The following ZNF503 variants were observed in gnomAD, a reference collection of about 807,000 sequenced individuals.
ZNF503 encodes the protein zinc finger protein 503, also known as NocA-like zinc finger 2.
A neutral mutation model predicts 34.4 loss-of-function variants in ZNF503; 15 were observed. That is an observed-to-expected ratio of 0.44 (90% CI 0.29 to 0.67). The LOEUF (loss-of-function observed/expected upper bound fraction) is 0.67, where lower values mean the gene tolerates loss of function less well. Ranked by LOEUF, ZNF503 falls within the 30% of genes least tolerant of loss-of-function variation. ZNF503 has a pLI of 0.13. For missense variants in ZNF503, 1,007 were observed against 926.8 expected, an observed-to-expected ratio of 1.09 and a Z score of -1.12; for synonymous variants, 580 against 456.8, an observed-to-expected ratio of 1.27 and a Z score of -3.44.
At chr10:75,349,113 A>G in the ZNF503 span, among the ~76,000 whole-genome samples, 1 of 152,232 alleles carries the variant, frequency 6.6e-6, no homozygotes, top group Non-Finnish European at 1.5e-5. Context: ...AAGTGCAATT[A>G]CCACACTCAA....
At chr10:75,389,416 G>T in the ZNF503 span, among the ~76,000 whole-genome samples, 1 of 152,144 alleles carries the variant, frequency 6.6e-6, no homozygotes, top group Non-Finnish European at 1.5e-5. Context: ...CTTTGTAGGT[G>T]CCTAGAGGTA....
chr10:75,280,510 TG>T, the ZNF503 span, among the ~76,000 whole-genome samples: 3 of 152,024 alleles, frequency 2.0e-5, no homozygotes, highest in African/African-American at 7.3e-5. Context: ...TACATCTCCC[TG>T]GAGATGATTG....
the ZNF503 span, among the ~76,000 whole-genome samples, chr10:75,343,697 C>T: frequency 6.6e-6 from 1 of 152,218 alleles, no homozygotes; most frequent in Admixed American, 6.5e-5. Flanking sequence ...TCAGCCCTCC[C>T]TGGATTTCTG....
chr10:75,398,018 TTC>T lies in ZNF503; in HGVS notation c.*729_*730del, dbSNP rs377456350. The T allele has an allele frequency of 1.2e-3, 174 of 149,818 alleles. No individual in the cohort carries two copies. Among genetic ancestry groups the T allele is most frequent in the African/African-American group, 3.0e-3 (117 of 38,912 alleles). The allele number at this position is 149,818 out of a possible 1,614,324, so 9.3% of individuals were successfully genotyped here. A position where few individuals can be genotyped will look rare whatever the true frequency, so the allele number is the denominator to read the frequency against. On this transcript the variant is annotated 3_prime_UTR_variant, in exon 2 of 2. Transcript: ENST00000372524. Reference sequence around the variant, plus strand: ...AAATGAGGTTTTGGAATAGAATTTTTTCTTTTTCTTTTTTTTTTTGTTGTTTT... The same window carrying T: ...AAATGAGGTTTTGGAATAGAATTTTTTTTTTCTTTTTTTTTTTGTTGTTTT...
chr10:75,314,140 A>G, the ZNF503 span, among the ~76,000 whole-genome samples: 4 of 151,992 alleles, frequency 2.6e-5, no homozygotes, highest in African/African-American at 9.7e-5. Flanking sequence ...AATTGTTTTA[A>G]GAAAGCTCAG....
downstream of ZNF503, among the ~76,000 whole-genome samples, chr10:75,393,256 T>C (rs142603589): frequency 6.5e-4 from 99 of 152,290 alleles, no homozygotes; most frequent in African/African-American, 2.1e-3. Context: ...CTGAAAGAAG[T>C]AGGTTCAAAT....
At chr10:75,345,312 C>T in the ZNF503 span, among the ~76,000 whole-genome samples, 1 of 152,102 alleles carries the variant, frequency 6.6e-6, no homozygotes, top group African/African-American at 2.4e-5. Flanking sequence ...TTCTGATGAA[C>T]TGAGTCAGTC....
the ZNF503 span, among the ~76,000 whole-genome samples, chr10:75,317,515 G>T: frequency 6.7e-6 from 1 of 149,034 alleles, no homozygotes. Context: ...TTGATCTCTT[G>T]ACCTCGTGAT....
chr10:75,284,264 A>G, the ZNF503 span, among the ~76,000 whole-genome samples: 1 of 152,098 alleles, frequency 6.6e-6, no homozygotes, highest in East Asian at 1.9e-4. Flanking sequence ...AAATGTGCTC[A>G]TCAGAGGGGA....
the ZNF503 span, among the ~76,000 whole-genome samples, chr10:75,366,549 C>G: frequency 6.6e-6 from 1 of 152,176 alleles, no homozygotes; most frequent in Non-Finnish European, 1.5e-5. Context: ...CCTCTGTGTC[C>G]CCACATGTAA....
downstream of ZNF503, among the ~76,000 whole-genome samples, chr10:75,394,538 T>G (rs1843676467): frequency 6.6e-6 from 1 of 152,252 alleles, no homozygotes; most frequent in Non-Finnish European, 1.5e-5. Flanking sequence ...GCTAACCGAT[T>G]GCGCTGCTGG....
At chr10:75,284,731 G>A in the ZNF503 span, among the ~76,000 whole-genome samples, 24 of 152,264 alleles carry the variant, frequency 1.6e-4, no homozygotes, top group Non-Finnish European at 3.1e-4. Flanking sequence ...TCTGCCCAGC[G>A]ATTTCCATGG....
chr10:75,284,304 A>G, the ZNF503 span, among the ~76,000 whole-genome samples: 2 of 151,658 alleles, frequency 1.3e-5, no homozygotes, highest in Non-Finnish European at 2.9e-5. Flanking sequence ...GCCATCTTTC[A>G]TGCCATAACA....
the ZNF503 span, chr10:75,279,884 C>A: frequency 2.0e-5 from 3 of 152,082 alleles, no homozygotes; most frequent in Admixed American, 1.3e-4. Context: ...GGGATCTCTC[C>A]GATGTCTCTT....
chr10:75,321,381 A>G, the ZNF503 span, among the ~76,000 whole-genome samples: 1 of 152,216 alleles, frequency 6.6e-6, no homozygotes, highest in South Asian at 2.1e-4. Context: ...ATTGCTATAA[A>G]GATACCTGAA....
chr10:75,311,726 A>C, the ZNF503 span, among the ~76,000 whole-genome samples: 1 of 141,646 alleles, frequency 7.1e-6, no homozygotes, highest in East Asian at 2.4e-4. Context: ...GCTACTTGGG[A>C]GGCTGAGGCC....
At position 75,401,249 on chromosome 10, in the gene ZNF503, C is replaced by G. The variant is rs1843806454; in HGVS notation, c.171G>C (p.Val57=). 6.2e-7 allele frequency: 1 copy of G among 1,606,164 alleles called. No individual in the cohort carries two copies. The highest frequency in any genetic ancestry group is 8.5e-7 in the Non-Finnish European group (1 of 1,176,730). ...GGGGGTCAGAGGGGGGCACGGCGTG[C>G]ACAAAAGGCTTGGTGCTGCCGGCCG... ...SSPAGSTKPF[V]HAVPPSDPLR... The change falls in exon 1 of 2, where the codon GTG becomes GTC. Residue 57 remains valine, a synonymous_variant. Transcript: ENST00000372524.
chr10:75,316,695 G>A, the ZNF503 span, among the ~76,000 whole-genome samples: 1 of 151,960 alleles, frequency 6.6e-6, no homozygotes, highest in Non-Finnish European at 1.5e-5. Flanking sequence ...TAAGAAGATA[G>A]GAATCATATA....
the ZNF503 span, among the ~76,000 whole-genome samples, chr10:75,356,281 A>G: frequency 7.2e-5 from 11 of 152,276 alleles, no homozygotes; most frequent in African/African-American, 2.6e-4. Context: ...CAGTGGCGCA[A>G]TCTCAGCTTA....
Sources: allele counts gnomAD v4.1 joint callset (sites outside exome capture counted in the v4.1 genomes callset), GRCh38; gene constraint gnomAD v4.1.1; transcripts MANE v1.5; gene names NCBI Gene and HGNC (gene_info 2026-07-23, HGNC 2026-07-21).